The following GRM3 variants were observed in gnomAD, a reference collection of about 807,000 sequenced individuals.
GRM3 encodes the protein glutamate metabotropic receptor 3, also known as metabotropic glutamate receptor 3.
Under a neutral mutation model 70.5 loss-of-function variants are expected in GRM3, and 26 were observed. That is an observed-to-expected ratio of 0.37 (90% CI 0.27 to 0.51). The LOEUF (loss-of-function observed/expected upper bound fraction) is 0.51, where lower values mean the gene tolerates loss of function less well. Ranked by LOEUF, GRM3 falls within the 20% of genes least tolerant of loss-of-function variation. GRM3 has a pLI of 0.93. For synonymous variants in GRM3, 443 were observed against 434.9 expected (o/e 1.02, Z -0.23); for missense variants, 859 against 1,123.8 (o/e 0.76, Z 3.37).
chr7:86,805,151 A>G (rs1417453900), intron 3 of GRM3, among the ~76,000 whole-genome samples: 1 of 152,218 alleles, frequency 6.6e-6, no homozygotes, highest in Non-Finnish European at 1.5e-5. Context: ...GGATGGTAGT[A>G]TACATTCCAC....
intron 1 of GRM3, among the ~76,000 whole-genome samples, chr7:86,708,311 A>C (rs1342929458): frequency 1.3e-5 from 2 of 152,156 alleles, no homozygotes; most frequent in African/African-American, 4.8e-5. Flanking sequence ...CCAGTTCTCC[A>C]ATCACCACCC....
Position 86,788,772 on chromosome 7 carries a change from C to T in GRM3, c.1324+1656C>T, listed in dbSNP as rs147662828. On this transcript the variant is annotated intron_variant, in intron 3 of 5. Coordinates refer to ENST00000361669, the MANE Select transcript of GRM3 (RefSeq NM_000840.3). Reference sequence around the variant, plus strand: ...TTCTTAAAGATGAATAAGAATTCAGCACATACTCCCCATCAGACTACCCTT... The same window carrying T: ...TTCTTAAAGATGAATAAGAATTCAGTACATACTCCCCATCAGACTACCCTT... Among the ~76,000 whole-genome samples the T allele has an allele frequency of 8.8e-3, 1,342 of 152,274 alleles. 20 individuals carry two copies. Among genetic ancestry groups the T allele is most frequent in the African/African-American group, 0.031 (1,283 of 41,560 alleles).
At chr7:86,827,887 C>T (rs937762895) in intron 3 of GRM3, among the ~76,000 whole-genome samples, 5 of 152,066 alleles carry the variant, frequency 3.3e-5, no homozygotes, top group South Asian at 2.1e-4. Context: ...CCAAGGCGGG[C>T]GGAACACAAG....
At chr7:86,677,604 A>G (rs1290225991) in intron 1 of GRM3, among the ~76,000 whole-genome samples, 1 of 152,058 alleles carries the variant, frequency 6.6e-6, no homozygotes, top group East Asian at 1.9e-4. Flanking sequence ...TAAGATTTTT[A>G]TTAATTCTAA....
In GRM3 at chr7:86,722,664, T is replaced by C. The variant is rs550224909; in HGVS notation, c.-140-42342T>C. 3.3e-5 allele frequency among the ~76,000 whole-genome samples: 5 copies of C among 152,010 alleles called. No individual in the cohort carries two copies. In the East Asian group the frequency reaches 9.7e-4, roughly 30 times the overall value. On this transcript the variant is annotated intron_variant, in intron 1 of 5. Coordinates refer to ENST00000361669, the MANE Select transcript of GRM3 (RefSeq NM_000840.3). ...AGAAATACCTAATGTAGATGACGGGTTGATGGGTGCAGCAAACCACCATTG... is the reference window on the plus strand; with the variant it reads ...AGAAATACCTAATGTAGATGACGGGCTGATGGGTGCAGCAAACCACCATTG...
intron 3 of GRM3, among the ~76,000 whole-genome samples, chr7:86,832,820 G>T (rs1379985168): frequency 6.6e-6 from 1 of 152,062 alleles, no homozygotes; most frequent in African/African-American, 2.4e-5. Flanking sequence ...TCGAAACTGG[G>T]GTCAGAACTA....
At chr7:86,732,971 G>A (rs539292026) in intron 1 of GRM3, among the ~76,000 whole-genome samples, 8 of 152,178 alleles carry the variant, frequency 5.3e-5, no homozygotes, top group Non-Finnish European at 7.4e-5. Context: ...GCAGAAAAGC[G>A]CTATATATAA....
chr7:86,759,712 A>G (rs900240409), intron 1 of GRM3, among the ~76,000 whole-genome samples: 1 of 152,176 alleles, frequency 6.6e-6, no homozygotes, highest in Non-Finnish European at 1.5e-5. Context: ...AAATGAAGGA[A>G]CCCCTTACAG....
chr7:86,715,808 T>C (rs940443303), intron 1 of GRM3, among the ~76,000 whole-genome samples: 3 of 151,934 alleles, frequency 2.0e-5, no homozygotes, highest in African/African-American at 7.2e-5. Context: ...AAGTTTAGAA[T>C]ACAAAGAGAA....
intron 3 of GRM3, among the ~76,000 whole-genome samples, chr7:86,811,932 TA>T (rs1416520202): frequency 6.6e-6 from 1 of 151,418 alleles, no homozygotes; most frequent in Non-Finnish European, 1.5e-5. Context: ...ATAATAGATT[TA>T]TAATTATCTG....
At chr7:86,724,660 T>C (rs567639240) in intron 1 of GRM3, among the ~76,000 whole-genome samples, 1 of 152,256 alleles carries the variant, frequency 6.6e-6, no homozygotes, top group East Asian at 1.9e-4. Flanking sequence ...CTATAGATTC[T>C]GATTCAATAG....
At chr7:86,667,239 T>C (rs993077996) in intron 1 of GRM3, among the ~76,000 whole-genome samples, 1 of 152,044 alleles carries the variant, frequency 6.6e-6, no homozygotes, top group African/African-American at 2.4e-5. Flanking sequence ...CTGGCCCAGA[T>C]TGTTGCAGAA....
chr7:86,699,668 C>T (rs1342334269), intron 1 of GRM3, among the ~76,000 whole-genome samples: 1 of 151,954 alleles, frequency 6.6e-6, no homozygotes, highest in African/African-American at 2.4e-5. Context: ...ATAAATTATA[C>T]CTTCTATCAC....
At chr7:86,692,777 T>G (rs959082299) in intron 1 of GRM3, among the ~76,000 whole-genome samples, 10 of 152,210 alleles carry the variant, frequency 6.6e-5, no homozygotes, top group African/African-American at 2.4e-4. Context: ...ATATAAACAC[T>G]AGCATCTCAA....
chr7:86,812,982 A>G (rs1335587615), intron 3 of GRM3, among the ~76,000 whole-genome samples: 1 of 151,680 alleles, frequency 6.6e-6, no homozygotes, highest in Non-Finnish European at 1.5e-5. Flanking sequence ...ACTACACTTA[A>G]ATTTTTATTT....
intron 4 of GRM3, among the ~76,000 whole-genome samples, chr7:86,847,096 T>C (rs943971005): frequency 3.3e-5 from 5 of 152,210 alleles, no homozygotes; most frequent in African/African-American, 1.2e-4. Context: ...AGAGGAACTC[T>C]GAGACTAGGG....
In GRM3 at chr7:86,839,590, C is replaced by G. The variant is rs2116738119; in HGVS notation, c.2076C>G (p.Cys692Trp). 6.2e-7 allele frequency: 1 copy of G among 1,613,672 alleles called. No homozygotes were observed. Among genetic ancestry groups the G allele is most frequent in the Non-Finnish European group, 8.5e-7 (1 of 1,179,798 alleles). Reference sequence around the variant, plus strand: ...GCCCCAGTTCTCAGGTTTTCATCTGCCTGGGTCTGATCCTGGTGCAAATTG... The same window carrying G: ...GCCCCAGTTCTCAGGTTTTCATCTGGCTGGGTCTGATCCTGGTGCAAATTG... ...FISPSSQVFI[C>W]LGLILVQIVM... Residue 692 changes from cysteine to tryptophan, a missense_variant, in exon 4 of 6, where the codon TGC becomes TGG. Transcript: ENST00000361669. This position sits in a 1 kb window ranked among gnomAD's most constrained non-coding sequence, Gnocchi z 4.5.
chr7:86,850,285 T>G (rs1297970674), intron 4 of GRM3, 85 bp from the exon 5 acceptor site: 2 of 856,764 alleles, frequency 2.3e-6, no homozygotes, highest in African/African-American at 1.7e-5. Flanking sequence ...GGATTTTTCA[T>G]TTTGGTCTTA....
chr7:86,699,094 A>T (rs908519527), intron 1 of GRM3, among the ~76,000 whole-genome samples: 1 of 152,100 alleles, frequency 6.6e-6, no homozygotes, highest in African/African-American at 2.4e-5. Context: ...TAAAAAAGAA[A>T]TACAGGGAGA....
Sources: gnomAD v4.1 joint callset for allele counts (sites outside exome capture counted in the v4.1 genomes callset) on GRCh38, gnomAD v4.1.1 for gene constraint, Gnocchi (gnomAD v3.1) non-coding constraint, MANE v1.5 for transcripts, NCBI Gene and HGNC (gene_info 2026-07-23, HGNC 2026-07-21) for gene names.